Variants in REV1 observed in about 807,000 individuals in gnomAD.
REV1 encodes the protein REV1 DNA directed polymerase, also known as translesion synthesis protein REV1.
A neutral mutation model predicts 137.4 loss-of-function variants in REV1; 42 were observed. The ratio of observed to expected loss-of-function variants is 0.31; its 90% CI spans 0.24 to 0.40. The LOEUF is 0.40. Ranked by LOEUF, REV1 falls within the 10% of genes least tolerant of loss-of-function variation. REV1 has a pLI of 1.00. For missense variants in REV1, 1,282 were observed against 1,490.1 expected, an observed-to-expected ratio of 0.86 and a Z score of 2.30; for synonymous variants, 524 against 519.2, an observed-to-expected ratio of 1.01 and a Z score of -0.12.
chr2:99,422,060 CT>C (rs1337702739), intron 10 of REV1, among the ~76,000 whole-genome samples: 2 of 152,086 alleles, frequency 1.3e-5, no homozygotes, highest in African/African-American at 4.8e-5. Flanking sequence ...TATGAGAATC[CT>C]TTAAGGAACA....
chr2:99,403,340 G>T, intron 19 of REV1: 1 of 574,940 alleles, frequency 1.7e-6, no homozygotes, highest in Non-Finnish European at 3.1e-6. Flanking sequence ...ATCTATGATG[G>T]GTAGTACTAA....
intron 1 of REV1, among the ~76,000 whole-genome samples, chr2:99,481,939 G>A (rs916416912): frequency 2.6e-5 from 4 of 152,324 alleles, no homozygotes; most frequent in Admixed American, 2.6e-4. Flanking sequence ...ACTGATAGGA[G>A]TGTCTTTGTT....
In REV1 at chr2:99,445,988, A is replaced by G. The variant is rs147289749; in HGVS notation, c.350+3348T>C. On this transcript the variant is annotated intron_variant, in intron 4 of 22. Transcript: ENST00000258428. ...TAGCTAATACATGTTAAAATTTTTA[A>G]GTATAATAAAATCTCATTAAAACAC... Among the ~76,000 whole-genome samples the G allele has an allele frequency of 5.9e-5, 9 of 152,352 alleles. No individual in the cohort carries two copies. The East Asian group carries it at 1.7e-3, about 29-fold the overall frequency.
At chr2:99,402,159 C>A in intron 22 of REV1, 85 bp downstream of exon 22, 1 of 630,020 alleles carries the variant, frequency 1.6e-6, no homozygotes, top group Non-Finnish European at 2.8e-6. Flanking sequence ...GTACAGTTTC[C>A]CAGAAAGTTT....
chr2:99,431,956 C>T (rs1034192912), intron 8 of REV1: 12 of 930,916 alleles, frequency 1.3e-5, no homozygotes, highest in African/African-American at 5.3e-5. Flanking sequence ...AAAAAGAAAT[C>T]GCTGAGAATA....
chr2:99,451,772 C>T (rs570947566), intron 3 of REV1, among the ~76,000 whole-genome samples: 3 of 144,082 alleles, frequency 2.1e-5, no homozygotes, highest in Admixed American at 1.4e-4. Flanking sequence ...CTAGACTCTA[C>T]GAAAAAAAAA....
At chr2:99,445,253 A>T (rs1408381680) in intron 4 of REV1, among the ~76,000 whole-genome samples, 1 of 152,240 alleles carries the variant, frequency 6.6e-6, no homozygotes, top group East Asian at 1.9e-4. Context: ...ATTAGAAACC[A>T]AAGTTTTGAC....
chr2:99,489,747 G>C lies in REV1; in HGVS notation c.-11+70C>G, dbSNP rs1481552491. ...TCTGGCCGCTGCCGGGCGGGTCTGC[G>C]GCGCCTCCGGGCGACGCGTGTCCGA... On this transcript the variant is annotated intron_variant, in intron 1 of 22. Coordinates refer to ENST00000258428, the MANE Select transcript of REV1 (RefSeq NM_016316.4). The C allele has an allele frequency of 5.3e-5, 8 of 150,022 alleles. No homozygotes were observed. In the East Asian group the frequency reaches 1.2e-3, roughly 22 times the overall value. The allele number at this position is 150,022 out of a possible 1,614,324, so 9.3% of individuals were successfully genotyped here.
At chr2:99,424,958 C>T (rs190306494) in intron 9 of REV1, 4 of 1,143,786 alleles carry the variant, frequency 3.5e-6, no homozygotes, top group African/African-American at 1.6e-5. Flanking sequence ...TTACCTTTGA[C>T]ATTTGGAGCA....
At position 99,471,983 on chromosome 2, in the gene REV1, G is replaced by C. The variant is rs545611294; in HGVS notation, c.-10-6998C>G. ...GGTGGGAATATAAAATGGTGCAGCT[G>C]ATATGAGAAACAGTATGGCAGTTAC... On this transcript the variant is annotated intron_variant, in intron 1 of 22. Transcript: ENST00000258428. 2.0e-4 allele frequency among the ~76,000 whole-genome samples: 30 copies of C among 151,282 alleles called. No individual in the cohort carries two copies. The South Asian group carries it at 6.1e-3, about 31-fold the overall frequency.
chr2:99,479,685 G>A (rs1332476471), intron 1 of REV1, among the ~76,000 whole-genome samples: 1 of 151,914 alleles, frequency 6.6e-6, no homozygotes, highest in East Asian at 1.9e-4. Flanking sequence ...GTAGTCAGGA[G>A]GCTGAGGTGG....
At chr2:99,482,126 G>GGA (rs1686671108) in intron 1 of REV1, among the ~76,000 whole-genome samples, 1 of 152,196 alleles carries the variant, frequency 6.6e-6, no homozygotes, top group African/African-American at 2.4e-5. Flanking sequence ...TGACCTCCAG[G>GGA]GAGAAGGGGA....
chr2:99,427,267 C>A (rs916349249), intron 9 of REV1, among the ~76,000 whole-genome samples: 1 of 152,144 alleles, frequency 6.6e-6, no homozygotes, highest in Admixed American at 6.6e-5. Context: ...GGTAGTGGGT[C>A]CTTACAAAAG....
At chr2:99,446,435 G>T (rs887978560) in intron 4 of REV1, among the ~76,000 whole-genome samples, 5 of 152,092 alleles carry the variant, frequency 3.3e-5, no homozygotes, top group African/African-American at 1.2e-4. Flanking sequence ...GATCTCCCTA[G>T]GCGCATCTGG....
chr2:99,460,706 G>A (rs1036537201), intron 3 of REV1, among the ~76,000 whole-genome samples: 4 of 151,456 alleles, frequency 2.6e-5, no homozygotes, highest in South Asian at 2.1e-4. Flanking sequence ...TGGATATCTC[G>A]GTGAAATTCA....
chr2:99,402,179 C>T, intron 22 of REV1, 65 bp downstream of exon 22: 1 of 681,194 alleles, frequency 1.5e-6, no homozygotes, highest in Non-Finnish European at 2.6e-6. Context: ...TAAAACAACT[C>T]AGTACACCCT....
intron 1 of REV1, among the ~76,000 whole-genome samples, chr2:99,482,291 T>G (rs72958366): frequency 0.14 from 21,930 of 152,270 alleles, 1,747 homozygotes; most frequent in East Asian, 0.25. Flanking sequence ...TTTGGGACCC[T>G]CCCAGATCTT....
intron 3 of REV1, among the ~76,000 whole-genome samples, chr2:99,449,990 T>C (rs1198954420): frequency 6.6e-6 from 1 of 152,162 alleles, no homozygotes; most frequent in African/African-American, 2.4e-5. Flanking sequence ...TAGGGCTTAT[T>C]AGTAGATTTT....
At chr2:99,410,024 T>G (rs1676920318) in intron 14 of REV1, among the ~76,000 whole-genome samples, 3 of 152,162 alleles carry the variant, frequency 2.0e-5, no homozygotes, top group African/African-American at 4.8e-5. Flanking sequence ...GTGTATCATT[T>G]TTTTGAGACA....
Sources: allele counts gnomAD v4.1 joint callset (sites outside exome capture counted in the v4.1 genomes callset), GRCh38; gene constraint gnomAD v4.1.1; transcripts MANE v1.5; gene names NCBI Gene and HGNC (gene_info 2026-07-23, HGNC 2026-07-21).